Variants in MED14 observed in about 807,000 individuals in gnomAD.
MED14 encodes the protein mediator complex subunit 14, also known as mediator of RNA polymerase II transcription subunit 14.
A neutral mutation model predicts 109.0 loss-of-function variants in MED14; 8 were observed. The ratio of observed to expected loss-of-function variants is 0.07; its 90% confidence interval spans 0.04 to 0.13. The LOEUF is 0.13. Among genes scored for constraint, MED14 ranks in the 10% least tolerant of loss-of-function variants. MED14 has a pLI of 1.00. For missense variants in MED14, 711 were observed against 1,142.4 expected (o/e 0.62, Z 5.44); for synonymous variants, 399 against 408.7 (o/e 0.98, Z 0.29).
intron 18 of MED14, 34 bp from the exon 19 acceptor site, chrX:40,681,977 T>G: frequency 5.6e-6 from 4 of 716,663 alleles, no homozygotes; most frequent in Non-Finnish European, 8.1e-6. Context: ...AGATTAATAT[T>G]ATACATGTAA....
chrX:40,694,002 A>T lies in MED14; in HGVS notation c.1651-1100T>A, dbSNP rs186109940. The stretch of plus-strand genomic sequence containing the variant: ...AACCTCCGCCTCCCAGGTTCAAGCG[A>T]TTCTTGTGCCTCAGCCTCCCAAGCA... On this transcript the variant is annotated intron_variant, in intron 13 of 30. Coordinates refer to ENST00000324817, the MANE Select transcript of MED14 (RefSeq NM_004229.4). 2.7e-3 allele frequency among the ~76,000 whole-genome samples: 300 copies of T among 110,938 alleles called. 2 individuals carry two copies. The highest frequency in any genetic ancestry group is 9.4e-3 in the African/African-American group (288 of 30,477).
At chrX:40,657,119 C>T (rs1929078792) in intron 28 of MED14, among the ~76,000 whole-genome samples, 1 of 111,457 alleles carries the variant, frequency 9.0e-6, no homozygotes, top group African/African-American at 3.3e-5. Flanking sequence ...AAACTCCCAA[C>T]CTCACGTGAT....
chrX:40,671,802 G>A, intron 23 of MED14, 59 bp downstream of exon 23: 1 of 735,894 alleles, frequency 1.4e-6, no homozygotes, highest in Admixed American at 2.5e-5. Flanking sequence ...AATGTGGGGT[G>A]TGTGTGTGTA....
At chrX:40,713,744 T>G (rs781522141) in intron 5 of MED14, 34 bp downstream of exon 5, 1 of 1,204,460 alleles carries the variant, frequency 8.3e-7, no homozygotes, top group Non-Finnish European at 1.1e-6. Flanking sequence ...CACCTGGCCA[T>G]CAACTCTTAA....
intron 1 of MED14, among the ~76,000 whole-genome samples, chrX:40,730,745 GAAGT>G (rs780148001): frequency 3.6e-5 from 4 of 110,302 alleles, no homozygotes; most frequent in Non-Finnish European, 7.6e-5. Flanking sequence ...CAAATGTTGG[GAAGT>G]AAGGCATAGA....
chrX:40,691,324 A>G (rs1188849644), intron 15 of MED14, among the ~76,000 whole-genome samples: 3 of 112,386 alleles, frequency 2.7e-5, no homozygotes, highest in Non-Finnish European at 5.6e-5. Context: ...TAATCAATAT[A>G]CATGGCTTTA....
At chrX:40,708,227 T>C (rs1318941538) in intron 10 of MED14, among the ~76,000 whole-genome samples, 1 of 110,991 alleles carries the variant, frequency 9.0e-6, no homozygotes, top group Non-Finnish European at 1.9e-5. Flanking sequence ...TGCATTTTTG[T>C]TAAGTTAGGC....
At chrX:40,668,129 T>A (rs1929574449) in intron 23 of MED14, among the ~76,000 whole-genome samples, 1 of 111,648 alleles carries the variant, frequency 9.0e-6, no homozygotes, top group Non-Finnish European at 1.9e-5. Context: ...ACGCCTGTAA[T>A]CCCAGCACTT....
chrX:40,679,754 A>C (rs989093381), intron 21 of MED14, 110 bp downstream of exon 21: 2 of 719,007 alleles, frequency 2.8e-6, no homozygotes, highest in Admixed American at 3.4e-5. Flanking sequence ...ACTGCTACTT[A>C]CTAAATTTAA....
intron 16 of MED14, among the ~76,000 whole-genome samples, chrX:40,687,130 G>A (rs7887612): frequency 0.24 from 26,116 of 110,607 alleles, 2,798 homozygotes; most frequent in African/African-American, 0.42. Context: ...AGGGTATTCA[G>A]GCACCTTAAA....
chrX:40,674,553 G>A (rs1431608606), intron 22 of MED14, among the ~76,000 whole-genome samples: 1 of 112,170 alleles, frequency 8.9e-6, no homozygotes, highest in Non-Finnish European at 1.9e-5. Context: ...TACAGGCTGT[G>A]TGCTCATATA....
At chrX:40,705,478 C>A (rs1219485980) in intron 10 of MED14, among the ~76,000 whole-genome samples, 2 of 111,781 alleles carry the variant, frequency 1.8e-5, no homozygotes, top group Non-Finnish European at 3.8e-5. Flanking sequence ...TTTTGACTAC[C>A]AATGTCCATA....
At chrX:40,668,539 G>T (rs1246061025) in intron 23 of MED14, among the ~76,000 whole-genome samples, 1 of 111,258 alleles carries the variant, frequency 9.0e-6, no homozygotes, top group Non-Finnish European at 1.9e-5. Flanking sequence ...GTGAACTATG[G>T]CTACCAAAAC....
chrX:40,671,725 A>G, intron 23 of MED14, 136 bp downstream of exon 23: 1 of 410,512 alleles, frequency 2.4e-6, no homozygotes, highest in Admixed American at 4.3e-5. Flanking sequence ...ATGAGTGACA[A>G]CTATCTAGCC....
chrX:40,667,935 AGGAAGGAAGG>A (rs758082109), intron 23 of MED14, among the ~76,000 whole-genome samples: 65 of 111,804 alleles, frequency 5.8e-4, no homozygotes, highest in Admixed American at 2.7e-3. Flanking sequence ...CCCAAGTAGC[AGGAAGGAAGG>A]GCCTGCCATT....
chrX:40,682,290 T>C lies in MED14; in HGVS notation c.2365+313A>G, dbSNP rs190640553. On this transcript the variant is annotated intron_variant, in intron 18 of 30. Coordinates refer to ENST00000324817, the MANE Select transcript of MED14 (RefSeq NM_004229.4). The stretch of plus-strand genomic sequence containing the variant: ...ATAATACCTACCCTCATGATTGTGA[T>C]TGTGAAGATTGTGAAAACTCATTTG... Among the ~76,000 whole-genome samples the C allele has an allele frequency of 1.6e-3, 177 of 111,766 alleles. 1 individual carries two copies. The highest frequency in any genetic ancestry group is 5.3e-3 in the African/African-American group (162 of 30,808).
At chrX:40,697,551 G>A (rs1569290562) in intron 12 of MED14, among the ~76,000 whole-genome samples, 1 of 111,966 alleles carries the variant, frequency 8.9e-6, no homozygotes, top group East Asian at 2.8e-4. Context: ...TTGTGTATGT[G>A]TGAAGTGTGT....
intron 15 of MED14, 144 bp from the exon 16 acceptor site, chrX:40,688,674 C>A: frequency 2.5e-6 from 1 of 399,302 alleles, no homozygotes; most frequent in Non-Finnish European, 4.5e-6. Context: ...TGAGTATTAT[C>A]CCCATCATTA....
intron 15 of MED14, 144 bp from the exon 16 acceptor site, chrX:40,688,674 C>T: frequency 2.5e-6 from 1 of 399,302 alleles, no homozygotes; most frequent in Non-Finnish European, 4.5e-6. Flanking sequence ...TGAGTATTAT[C>T]CCCATCATTA....
Sources: gnomAD v4.1 joint callset for allele counts (sites outside exome capture counted in the v4.1 genomes callset) on GRCh38, gnomAD v4.1.1 for gene constraint, MANE v1.5 for transcripts, NCBI Gene and HGNC (gene_info 2026-07-23, HGNC 2026-07-21) for gene names.